The following CDH12 variants were observed in gnomAD, a reference collection of about 807,000 sequenced individuals.
CDH12 encodes cadherin-12.
Under a neutral mutation model 74.1 loss-of-function variants are expected in CDH12, and 41 were observed. The ratio of observed to expected loss-of-function variants is 0.55; its 90% confidence interval spans 0.43 to 0.72. The LOEUF (loss-of-function observed/expected upper bound fraction) is 0.72, where lower values mean the gene tolerates loss of function less well. Ranked by LOEUF, CDH12 falls within the 30% of genes least tolerant of loss-of-function variation. CDH12 has a pLI of 0.00. For synonymous variants in CDH12, 399 were observed against 355.0 expected (o/e 1.12, Z -1.39); for missense variants, 945 against 977.2 (o/e 0.97, Z 0.44).
Position 22,436,447 on chromosome 5 carries a change from AT to A in CDH12, c.-427-31097del, listed in dbSNP as rs562434991. Among the ~76,000 whole-genome samples the A allele has an allele frequency of 1.3e-4, 19 of 151,038 alleles. No homozygotes were observed. In the South Asian group the frequency reaches 2.5e-3, roughly 20 times the overall value. ...TAGAAGTTAAAGTATAATAAAAAAA[AT>A]ATATATATAAAGCAAAATCAAGAAT... On this transcript the variant is annotated intron_variant, in intron 2 of 14. Coordinates refer to ENST00000382254, the MANE Select transcript of CDH12 (RefSeq NM_004061.5).
chr5:22,707,393 C>A (rs149375428), intron 1 of CDH12, among the ~76,000 whole-genome samples: 1 of 152,110 alleles, frequency 6.6e-6, no homozygotes, highest in African/African-American at 2.4e-5. Flanking sequence ...TATGATTTCA[C>A]CCTTATTTTA....
intron 1 of CDH12, among the ~76,000 whole-genome samples, chr5:22,832,566 A>G (rs559875313): frequency 6.6e-6 from 1 of 152,284 alleles, no homozygotes; most frequent in South Asian, 2.1e-4. Context: ...TCAATGAGAG[A>G]CACCCCTGAA....
At chr5:22,080,691 T>C (rs1363251686) in intron 4 of CDH12, among the ~76,000 whole-genome samples, 1 of 152,060 alleles carries the variant, frequency 6.6e-6, no homozygotes, top group African/African-American at 2.4e-5. Context: ...TAGGAAGGTA[T>C]CTTTTTTTTT....
intron 7 of CDH12, among the ~76,000 whole-genome samples, chr5:21,851,739 C>T (rs1418991175): frequency 6.6e-6 from 1 of 151,220 alleles, no homozygotes; most frequent in African/African-American, 2.4e-5. Context: ...TGAGTTTATA[C>T]TGTTTAGAAT....
intron 3 of CDH12, among the ~76,000 whole-genome samples, chr5:22,282,016 CCAAAACTGCATGATACTG>C (rs1736911299): frequency 6.6e-6 from 1 of 150,712 alleles, no homozygotes; most frequent in Non-Finnish European, 1.5e-5. Flanking sequence ...GATACTGGTA[CCAAAACTGCATGATACTG>C]GTACCAAAAC....
intron 5 of CDH12, among the ~76,000 whole-genome samples, chr5:22,049,784 C>T (rs1031988372): frequency 6.6e-6 from 1 of 151,976 alleles, no homozygotes; most frequent in African/African-American, 2.4e-5. Flanking sequence ...AACATCATCC[C>T]CTTCTTTTGA....
chr5:22,317,429 CAT>C (rs1156833796), intron 3 of CDH12, among the ~76,000 whole-genome samples: 1 of 152,060 alleles, frequency 6.6e-6, no homozygotes, highest in Non-Finnish European at 1.5e-5. Context: ...TATAAACACT[CAT>C]ATATATACAT....
intron 5 of CDH12, among the ~76,000 whole-genome samples, chr5:22,049,140 G>A (rs1740168435): frequency 1.3e-5 from 2 of 152,056 alleles, no homozygotes; most frequent in South Asian, 2.1e-4. Flanking sequence ...AAAGTTATGG[G>A]TTAAAGATCC....
At chr5:22,025,976 C>A (rs551511926) in intron 5 of CDH12, among the ~76,000 whole-genome samples, 4 of 144,932 alleles carry the variant, frequency 2.8e-5, no homozygotes, top group African/African-American at 1.1e-4. Flanking sequence ...GTAGTTATTT[C>A]TTCCACTGAA....
At chr5:22,690,692 T>G (rs1742037296) in intron 1 of CDH12, among the ~76,000 whole-genome samples, 1 of 152,186 alleles carries the variant, frequency 6.6e-6, no homozygotes, top group African/African-American at 2.4e-5. Flanking sequence ...AACTTTTCTT[T>G]TGTGCCACTT....
chr5:22,673,432 T>G (rs1166981603), intron 1 of CDH12, among the ~76,000 whole-genome samples: 1 of 152,300 alleles, frequency 6.6e-6, no homozygotes, highest in Middle Eastern at 3.4e-3. Flanking sequence ...CTTCCTGTGC[T>G]GTTGCTTGCT....
At chr5:22,038,772 A>C (rs140801062) in intron 5 of CDH12, among the ~76,000 whole-genome samples, 1 of 152,220 alleles carries the variant, frequency 6.6e-6, no homozygotes, top group Non-Finnish European at 1.5e-5. Flanking sequence ...TCACCTCATT[A>C]CCAAAGGATT....
In CDH12 at chr5:22,720,627, C is replaced by A. The variant is rs193135373; in HGVS notation, c.-523+132431G>T. ...ACAGAAAGATGTGGGAAGTTTGGAA[C>A]TTCCTAGGGTCCTGGAGGACTCAGA... On this transcript the variant is annotated intron_variant, in intron 1 of 14. Coordinates refer to ENST00000382254, the MANE Select transcript of CDH12 (RefSeq NM_004061.5). 2.6e-5 allele frequency among the ~76,000 whole-genome samples: 4 copies of A among 152,200 alleles called. No homozygotes were observed. In the East Asian group the frequency reaches 7.8e-4, roughly 30 times the overall value.
chr5:22,552,738 T>C (rs562301753), intron 1 of CDH12, among the ~76,000 whole-genome samples: 1 of 152,158 alleles, frequency 6.6e-6, no homozygotes, highest in East Asian at 1.9e-4. Context: ...ACACTCCCAT[T>C]TTTCTATTAA....
chr5:22,184,644 ATCC>A (rs1749829849), intron 4 of CDH12, among the ~76,000 whole-genome samples: 1 of 152,182 alleles, frequency 6.6e-6, no homozygotes, highest in Non-Finnish European at 1.5e-5. Flanking sequence ...AGAAAAATAA[ATCC>A]TCCTGAGAAC....
chr5:22,555,824 A>T (rs1480468709), intron 1 of CDH12, among the ~76,000 whole-genome samples: 1 of 152,038 alleles, frequency 6.6e-6, no homozygotes, highest in African/African-American at 2.4e-5. Flanking sequence ...GCAGTTTATT[A>T]AAAACATGCA....
rs1226388865 is a variant in CDH12, at chr5:21,872,783, G to GATCGATCT, written c.527-17994_527-17993insAGATCGAT. Among the ~76,000 whole-genome samples the GATCGATCT allele has an allele frequency of 4.7e-3, 665 of 142,124 alleles. 6 individuals carry two copies. Among genetic ancestry groups the GATCGATCT allele is most frequent in the East Asian group, 7.9e-3 (37 of 4,686 alleles). 93.2% of individuals were successfully genotyped at this position (142,124 alleles called of 152,430 possible). On this transcript the variant is annotated intron_variant, in intron 6 of 14. Transcript: ENST00000382254. ...GATGCCTCTGCCATGTTAAGAGTAAGATCTATCTATCTATCTATCTATCTA... is the reference window on the plus strand; with the variant it reads ...GATGCCTCTGCCATGTTAAGAGTAAGATCGATCTATCTATCTATCTATCTATCTATCTA...
At chr5:22,252,537 C>T (rs747546162) in intron 3 of CDH12, among the ~76,000 whole-genome samples, 2 of 151,950 alleles carry the variant, frequency 1.3e-5, no homozygotes, top group Non-Finnish European at 2.9e-5. Flanking sequence ...TAAACTGATG[C>T]CTAAAGTTTA....
At chr5:21,860,094 C>T (rs1160416484) in intron 6 of CDH12, among the ~76,000 whole-genome samples, 2 of 151,996 alleles carry the variant, frequency 1.3e-5, no homozygotes, top group African/African-American at 2.4e-5. Context: ...AGGTCATCAT[C>T]TATACCAGCC....
Sources: gnomAD v4.1 joint callset for allele counts (sites outside exome capture counted in the v4.1 genomes callset) on GRCh38, gnomAD v4.1.1 for gene constraint, MANE v1.5 for transcripts, NCBI Gene and HGNC (gene_info 2026-07-23, HGNC 2026-07-21) for gene names.